Variants in GLYATL3 observed in about 807,000 individuals in gnomAD.
GLYATL3 encodes the protein glycine-N-acyltransferase like 3.
Under a neutral mutation model 28.5 loss-of-function variants are expected in GLYATL3, and 31 were observed. The observed-to-expected ratio is 1.09, with a 90% CI of 0.82 to 1.47. The LOEUF (loss-of-function observed/expected upper bound fraction) is 1.47, where lower values mean the gene tolerates loss of function less well. Among genes scored for constraint, GLYATL3 ranks in the 40% most tolerant of loss-of-function variants. GLYATL3 has a pLI of 0.00. For missense variants in GLYATL3, 369 were observed against 351.5 expected (o/e 1.05, Z -0.40); for synonymous variants, 141 against 140.2 (o/e 1.01, Z -0.04).
At chr6:49,510,788 A>C (rs1001499799) in intron 1 of GLYATL3, among the ~76,000 whole-genome samples, 5 of 152,160 alleles carry the variant, frequency 3.3e-5, no homozygotes, top group African/African-American at 1.2e-4. Flanking sequence ...TGGCCCCTGC[A>C]ATCTCTTCTG....
intron 4 of GLYATL3, among the ~76,000 whole-genome samples, chr6:49,519,128 A>G (rs1007430886): frequency 7.2e-5 from 11 of 152,196 alleles, no homozygotes; most frequent in African/African-American, 2.7e-4. Flanking sequence ...GGAAATGAAT[A>G]AATTTCCTCA....
chr6:49,526,293 A>C (rs563423723), intron 5 of GLYATL3, among the ~76,000 whole-genome samples, 195 bp from the exon 6 acceptor site: 9 of 152,198 alleles, frequency 5.9e-5, no homozygotes, highest in Admixed American at 2.0e-4. Flanking sequence ...GGTGCCTGTA[A>C]TCCCAGCTAC....
At chr6:49,519,189 C>T (rs1050715933) in intron 4 of GLYATL3, among the ~76,000 whole-genome samples, 5 of 152,048 alleles carry the variant, frequency 3.3e-5, no homozygotes, top group Non-Finnish European at 7.4e-5. Context: ...TGCTAGAGGC[C>T]TATTATCACT....
intron 5 of GLYATL3, among the ~76,000 whole-genome samples, chr6:49,524,147 G>A (rs1769362044): frequency 6.6e-6 from 1 of 152,032 alleles, no homozygotes; most frequent in South Asian, 2.1e-4. Flanking sequence ...AACTACTCCT[G>A]AAACACTTGC....
At chr6:49,512,477 T>G (rs1769142624) in intron 2 of GLYATL3, among the ~76,000 whole-genome samples, 1 of 151,788 alleles carries the variant, frequency 6.6e-6, no homozygotes, top group African/African-American at 2.4e-5. Flanking sequence ...GAAACTACAC[T>G]TTTCATAGTC....
intron 4 of GLYATL3, among the ~76,000 whole-genome samples, chr6:49,519,892 A>C (rs1243672191): frequency 1.3e-5 from 2 of 152,228 alleles, no homozygotes; most frequent in African/African-American, 4.8e-5. Context: ...TCTTCTGCTC[A>C]CTACTGGTTG....
intron 2 of GLYATL3, among the ~76,000 whole-genome samples, chr6:49,514,001 AACAAAGC>A (rs747508412): frequency 1.9e-4 from 29 of 152,234 alleles, no homozygotes; most frequent in Non-Finnish European, 4.1e-4. Flanking sequence ...TTATAAACAA[AACAAAGC>A]AAAACAAAGT....
intron 1 of GLYATL3, among the ~76,000 whole-genome samples, chr6:49,500,429 C>T (rs1768892550): frequency 6.6e-6 from 1 of 152,078 alleles, no homozygotes; most frequent in Admixed American, 6.6e-5. Flanking sequence ...TTAACAAATG[C>T]CCACCATTAT....
chr6:49,501,647 C>G (rs1464847728), intron 1 of GLYATL3, among the ~76,000 whole-genome samples: 1 of 152,156 alleles, frequency 6.6e-6, no homozygotes, highest in African/African-American at 2.4e-5. Flanking sequence ...CTATGATTAG[C>G]AGGATATTAA....
chr6:49,521,772 G>C lies in GLYATL3; in HGVS notation c.440+1G>C, dbSNP rs966081037. The C allele has an allele frequency of 3.9e-6, 6 of 1,550,942 alleles. No homozygotes were observed. Among genetic ancestry groups the C allele is most frequent in the Non-Finnish European group, 5.2e-6 (6 of 1,146,680 alleles). ...CATCTCTGCCAGATACCAGTTTCCT[G>C]TATGTAAACCAAGTTTTTGCATTTG... On this transcript the variant is annotated splice_donor_variant, in intron 5 of 5. Coordinates refer to ENST00000371197, the MANE Select transcript of GLYATL3 (RefSeq NM_001010904.2). LOFTEE classifies it high-confidence loss of function.
intron 2 of GLYATL3, among the ~76,000 whole-genome samples, 198 bp downstream of exon 2, chr6:49,512,266 C>CTTTTTTTTTTT (rs11358799): frequency 7.7e-6 from 1 of 129,366 alleles, no homozygotes. Context: ...TTACACTTTT[C>CTTTTTTTTTTT]TTTTTTTTTT....
At chr6:49,506,461 ATGGAAGGT>A (rs967782527) in intron 1 of GLYATL3, among the ~76,000 whole-genome samples, 1 of 152,144 alleles carries the variant, frequency 6.6e-6, no homozygotes, top group African/African-American at 2.4e-5. Flanking sequence ...TGAATTGTTG[ATGGAAGGT>A]ATAGTGAAAG....
chr6:49,509,235 T>C (rs778541550), intron 1 of GLYATL3, among the ~76,000 whole-genome samples: 2 of 152,204 alleles, frequency 1.3e-5, no homozygotes, highest in Non-Finnish European at 2.9e-5. Flanking sequence ...TACCAGACAC[T>C]GACTTAGTCA....
At chr6:49,504,207 T>C (rs1250084498) in intron 1 of GLYATL3, among the ~76,000 whole-genome samples, 1 of 73,864 alleles carries the variant, frequency 1.4e-5, no homozygotes, top group African/African-American at 5.2e-5. Flanking sequence ...GGAGTTAGCA[T>C]GGTTATTTTT....
At chr6:49,513,243 T>C (rs1561977842) in intron 2 of GLYATL3, among the ~76,000 whole-genome samples, 1 of 152,224 alleles carries the variant, frequency 6.6e-6, no homozygotes, top group Non-Finnish European at 1.5e-5. Flanking sequence ...TAACCTCAGC[T>C]TAGTTTTTAA....
intron 3 of GLYATL3, among the ~76,000 whole-genome samples, 188 bp downstream of exon 3, chr6:49,515,948 C>T (rs12207858): frequency 1.5e-5 from 2 of 135,738 alleles, no homozygotes; most frequent in Admixed American, 7.4e-5. Flanking sequence ...TCTCTCCCTC[C>T]CTCTCTCTCT....
intron 1 of GLYATL3, among the ~76,000 whole-genome samples, chr6:49,507,686 G>T (rs552378680): frequency 6.6e-6 from 1 of 152,294 alleles, no homozygotes; most frequent in East Asian, 1.9e-4. Flanking sequence ...GCCAGATATT[G>T]AGGGATCTAG....
At chr6:49,509,957 T>C (rs1195316907) in intron 1 of GLYATL3, among the ~76,000 whole-genome samples, 2 of 78,816 alleles carry the variant, frequency 2.5e-5, no homozygotes, top group Non-Finnish European at 6.0e-5. Flanking sequence ...TCTCTTTCTT[T>C]CTTTCTTTCT....
chr6:49,508,859 C>T (rs1407887732), intron 1 of GLYATL3, among the ~76,000 whole-genome samples: 1 of 152,090 alleles, frequency 6.6e-6, no homozygotes, highest in African/African-American at 2.4e-5. Flanking sequence ...TGCTTGTAAT[C>T]CCAGCTACTC....
Sources: allele counts gnomAD v4.1 joint callset (sites outside exome capture counted in the v4.1 genomes callset), GRCh38; gene constraint gnomAD v4.1.1; transcripts MANE v1.5; gene names NCBI Gene and HGNC (gene_info 2026-07-23, HGNC 2026-07-21).